KLF12: variants seen among roughly 807,000 people sequenced by gnomAD.
KLF12 encodes KLF transcription factor 12.
KLF12 carries 9 observed loss-of-function variants against 37.8 expected under a neutral mutation model. That is an observed-to-expected ratio of 0.24 (90% CI 0.14 to 0.42). KLF12 has a LOEUF of 0.42. Among genes scored for constraint, KLF12 ranks in the 10% least tolerant of loss-of-function variants. The probability of loss-of-function intolerance (pLI) is 1.00; values close to 1 mark genes in which losing one functional copy is unlikely to be tolerated. For missense variants in KLF12, 411 were observed against 516.0 expected (o/e 0.80, Z 1.97); for synonymous variants, 208 against 202.1 (o/e 1.03, Z -0.25).
chr13:73,976,781 G>A (rs1891536442), intron 2 of KLF12, among the ~76,000 whole-genome samples: 1 of 152,158 alleles, frequency 6.6e-6, no homozygotes, highest in Admixed American at 6.5e-5. Flanking sequence ...ACTAAGCAAT[G>A]AGACAGAGTC....
At chr13:74,030,810 T>G (rs1333596060) in intron 1 of KLF12, among the ~76,000 whole-genome samples, 1 of 152,114 alleles carries the variant, frequency 6.6e-6, no homozygotes, top group Non-Finnish European at 1.5e-5. Context: ...AAATTTTGAC[T>G]CTTGATGTAC....
At chr13:73,860,313 T>A (rs1190578314) in intron 3 of KLF12, among the ~76,000 whole-genome samples, 1 of 152,218 alleles carries the variant, frequency 6.6e-6, no homozygotes, top group Non-Finnish European at 1.5e-5. Context: ...CCACCAAAGA[T>A]ATCATTTTTA....
At chr13:73,843,135 G>C (rs1884831446) in intron 4 of KLF12, among the ~76,000 whole-genome samples, 2 of 152,080 alleles carry the variant, frequency 1.3e-5, no homozygotes, top group Non-Finnish European at 2.9e-5. Context: ...CCAATGTCTT[G>C]AGGTAGTTTT....
At chr13:74,173,909 T>A in the KLF12 span, among the ~76,000 whole-genome samples, 1 of 152,220 alleles carries the variant, frequency 6.6e-6, no homozygotes, top group Non-Finnish European at 1.5e-5. Context: ...CATAGGCCAT[T>A]GTTTATTAAC....
At chr13:74,036,585 G>A (rs1482478711) in intron 1 of KLF12, among the ~76,000 whole-genome samples, 2 of 152,180 alleles carry the variant, frequency 1.3e-5, no homozygotes, top group Non-Finnish European at 2.9e-5. Context: ...TGACAGAGGA[G>A]TGTGGCCTGG....
rs185790722 is a variant in KLF12 at position 74,099,404 on chromosome 13, A to G, written c.-32+34335T>C. On this transcript the variant is annotated intron_variant, in intron 1 of 7. Transcript: ENST00000377669. ...TTGCCCTACATCAACCTTCACAAGCATATGAACCCTTTACAATATAAATCT... is the reference window on the plus strand; with the variant it reads ...TTGCCCTACATCAACCTTCACAAGCGTATGAACCCTTTACAATATAAATCT... Among the ~76,000 whole-genome samples the G allele has an allele frequency of 6.6e-4, 101 of 152,284 alleles. 1 individual carries two copies. Among genetic ancestry groups the G allele is most frequent in the African/African-American group, 2.4e-3 (99 of 41,558 alleles).
chr13:73,691,355 C>T lies in KLF12; in HGVS notation c.*4135G>A, dbSNP rs554690493. 1 of 152,630 alleles carries T rather than the reference C, an allele frequency of 6.6e-6. No individual in the cohort carries two copies. The highest frequency in any genetic ancestry group is 2.1e-4 in the South Asian group (1 of 4,828). 9.5% of individuals were successfully genotyped at this position (152,630 alleles called of 1,614,324 possible). A position where few individuals can be genotyped will look rare whatever the true frequency, so the allele number is the denominator to read the frequency against. ...AATGGGATGCACTACCTCAGAAAAA[C>T]TAAAGGAAGAGATTTGGTCAATGAT... On this transcript the variant is annotated 3_prime_UTR_variant, in exon 8 of 8. Coordinates refer to ENST00000377669, the MANE Select transcript of KLF12 (RefSeq NM_007249.5).
chr13:73,940,227 G>A (rs888336605), intron 3 of KLF12, among the ~76,000 whole-genome samples: 1 of 152,074 alleles, frequency 6.6e-6, no homozygotes, highest in African/African-American at 2.4e-5. Flanking sequence ...CAGGACGCAC[G>A]CACCAAAGTC....
chr13:73,904,469 CTTTTTTTTT>C (rs11342071), intron 3 of KLF12, among the ~76,000 whole-genome samples: 3 of 92,030 alleles, frequency 3.3e-5, no homozygotes, highest in Non-Finnish European at 6.2e-5. Context: ...TCTTTCTTTC[CTTTTTTTTT>C]TTTTTTTTTT....
the KLF12 span, among the ~76,000 whole-genome samples, chr13:74,240,229 C>G: frequency 1.7e-4 from 26 of 149,222 alleles, no homozygotes; most frequent in African/African-American, 5.3e-4. Flanking sequence ...ATATGAAGTT[C>G]TGGGTTGAAA....
chr13:74,275,778 T>TTTTCTTTC, the KLF12 span, among the ~76,000 whole-genome samples: 4 of 93,884 alleles, frequency 4.3e-5, no homozygotes, highest in African/African-American at 1.8e-4. Flanking sequence ...ATGCCTGTCT[T>TTTTCTTTC]TTTCTTTCTT....
rs555916681 is a variant in KLF12 at position 74,096,894 on chromosome 13, G to C, written c.-32+36845C>G. Reference sequence around the variant, plus strand: ...AACAGTTTATAATCTAGTTTATTATGTGCTCAACACAGAGCATGACATTTT... The same window carrying C: ...AACAGTTTATAATCTAGTTTATTATCTGCTCAACACAGAGCATGACATTTT... On this transcript the variant is annotated intron_variant, in intron 1 of 7. Transcript: ENST00000377669. 7.9e-5 allele frequency among the ~76,000 whole-genome samples: 12 copies of C among 152,238 alleles called. No homozygotes were observed. In the East Asian group the frequency reaches 2.3e-3, roughly 29 times the overall value.
At chr13:74,278,869 GA>G in the KLF12 span, among the ~76,000 whole-genome samples, 2 of 152,164 alleles carry the variant, frequency 1.3e-5, no homozygotes, top group South Asian at 4.1e-4. Flanking sequence ...TCACTGTTAA[GA>G]ACACTAATTA....
intron 3 of KLF12, among the ~76,000 whole-genome samples, chr13:73,889,600 A>T (rs950509447): frequency 6.6e-6 from 1 of 152,174 alleles, no homozygotes; most frequent in African/African-American, 2.4e-5. Context: ...CTCAATGATA[A>T]ATGTGTGATG....
chr13:74,056,641 T>G (rs1184401938), intron 1 of KLF12, among the ~76,000 whole-genome samples: 2 of 152,174 alleles, frequency 1.3e-5, no homozygotes, highest in African/African-American at 4.8e-5. Flanking sequence ...AAATAAAAAT[T>G]GTGTTACCCA....
At chr13:74,173,929 T>C in the KLF12 span, among the ~76,000 whole-genome samples, 1 of 152,214 alleles carries the variant, frequency 6.6e-6, no homozygotes, top group African/African-American at 2.4e-5. Context: ...CCTTGGCCTT[T>C]CCTTGGTAAT....
intron 5 of KLF12, among the ~76,000 whole-genome samples, chr13:73,770,475 T>C (rs1294258675): frequency 1.3e-5 from 2 of 152,188 alleles, no homozygotes; most frequent in Admixed American, 6.5e-5. Context: ...TTTATGTTAC[T>C]TTTAGAAAAG....
At chr13:74,256,925 T>G in the KLF12 span, 9 of 152,220 alleles carry the variant, frequency 5.9e-5, no homozygotes, top group Admixed American at 5.9e-4. Context: ...TTTTTTTTGT[T>G]GTTGCAGTTG....
At chr13:73,718,576 G>A (rs1406342628) in intron 6 of KLF12, among the ~76,000 whole-genome samples, 1 of 152,132 alleles carries the variant, frequency 6.6e-6, no homozygotes, top group East Asian at 1.9e-4. Flanking sequence ...GGCCAACATG[G>A]TGAAACTCCG....
Sources: allele counts gnomAD v4.1 joint callset (sites outside exome capture counted in the v4.1 genomes callset), GRCh38; gene constraint gnomAD v4.1.1; transcripts MANE v1.5; gene names NCBI Gene and HGNC (gene_info 2026-07-23, HGNC 2026-07-21).